Variants in PPL observed in about 807,000 individuals in gnomAD.
PPL encodes 190 kDa paraneoplastic pemphigus antigen.
PPL carries 198 observed loss-of-function variants against 194.4 expected under a neutral mutation model. That is an observed-to-expected ratio of 1.02 (90% confidence interval 0.91 to 1.15). PPL has a LOEUF of 1.15. PPL is among the 50% of genes most tolerant of loss of function. The pLI, the probability that PPL is intolerant of heterozygous loss-of-function variation, is 0.00. For synonymous variants in PPL, 1,220 were observed against 972.4 expected (o/e 1.25, Z -4.74); for missense variants, 2,885 against 2,294.8 (o/e 1.26, Z -5.25).
chr16:4,884,792 G>A lies in PPL; in HGVS notation c.3863C>T (p.Thr1288Ile), dbSNP rs780446094. 14 of 1,613,976 alleles carry A rather than the reference G, an allele frequency of 8.7e-6. No individual in the cohort carries two copies. The highest frequency in any genetic ancestry group is 1.1e-5 in the Non-Finnish European group (13 of 1,180,030). ...GAGGATCTCCTGGACCACCTCTTTG[G>A]TCTGGACCTGGGGTTTGGTGTCTTT... ...ALKDTKPQVQTKEVVQEILQF... is the reference protein window; with the variant it reads ...ALKDTKPQVQIKEVVQEILQF... Residue 1288 changes from threonine to isoleucine, a missense_variant, in exon 22 of 22, where the codon ACC (threonine) becomes ATC (isoleucine). Thr to Ile is a moderately conservative substitution (Grantham distance 89). Coordinates refer to ENST00000345988, the MANE Select transcript of PPL (RefSeq NM_002705.5). The surrounding 1 kb of genome is among the most constrained non-coding windows in gnomAD (Gnocchi z 5.7).
chr16:4,932,951 G>A (rs1202428085), intron 1 of PPL, among the ~76,000 whole-genome samples: 3 of 151,734 alleles, frequency 2.0e-5, no homozygotes, highest in African/African-American at 7.3e-5. Flanking sequence ...AAGAGACCCA[G>A]AGCTGCGGCC....
At chr16:4,907,723 TA>T (rs1014486246) in intron 2 of PPL, among the ~76,000 whole-genome samples, 1 of 151,594 alleles carries the variant, frequency 6.6e-6, no homozygotes, top group African/African-American at 2.4e-5. Context: ...TCCCCTCAAT[TA>T]AAAAAAATGG....
At position 4,895,686 on chromosome 16, in the gene PPL, G is replaced by T. The variant is rs35340520; in HGVS notation, c.1003C>A (p.Leu335Met). The T allele has an allele frequency of 0.067, 107,630 of 1,613,928 alleles. 3,977 individuals are homozygous for T. Among genetic ancestry groups the T allele is most frequent in the Non-Finnish European group, 0.07 (82,963 of 1,180,008 alleles). ...AGGTCCGAGTCCACCTTGCGCAGCAGCTCCTGAGCGTCCTTCACGTCTTCG... is the reference window on the plus strand; with the variant it reads ...AGGTCCGAGTCCACCTTGCGCAGCATCTCCTGAGCGTCCTTCACGTCTTCG... The part of the protein sequence containing the change: ...FHEDVKDAQE[L>M]LRKVDSDLNQ... Residue 335 changes from leucine to methionine, a missense_variant, in exon 10 of 22, where the codon CTG (leucine) becomes ATG (methionine). Transcript: ENST00000345988.
chr16:4,890,434 C>G, intron 17 of PPL, 100 bp from the exon 18 acceptor site: 2 of 1,376,756 alleles, frequency 1.5e-6, no homozygotes, highest in Non-Finnish European at 1.9e-6. Flanking sequence ...ATGTAACAAC[C>G]AGAAATACCC....
intron 1 of PPL, among the ~76,000 whole-genome samples, chr16:4,924,846 C>T (rs1020900683): frequency 1.3e-5 from 2 of 152,250 alleles, no homozygotes; most frequent in East Asian, 1.9e-4. Context: ...GCAGCCACCC[C>T]GGTAACAGAT....
rs769309279 is a variant in PPL at position 4,885,432 on chromosome 16, C to T, written c.3223G>A (p.Glu1075Lys). ...AGCTGGTCCTGGCGCTGGTGGTCCT[C>T]CTGCAGCTGCTGGTACTCTGCCTCC... ...QLEAEYQQLQEDHQRQDQLRE... is the reference protein window; with the variant it reads ...QLEAEYQQLQKDHQRQDQLRE... Residue 1075 changes from glutamate to lysine, a missense_variant, in exon 22 of 22, where the codon GAG becomes AAG. Glu to Lys is a moderately conservative substitution (Grantham distance 56, BLOSUM62 1). Coordinates refer to ENST00000345988, the MANE Select transcript of PPL (RefSeq NM_002705.5). This position sits in a 1 kb window ranked among gnomAD's most constrained non-coding sequence, Gnocchi z 6.3. 1 of 1,612,632 alleles carries T rather than the reference C, an allele frequency of 6.2e-7. No individual in the cohort carries two copies. The highest frequency in any genetic ancestry group is 8.5e-7 in the Non-Finnish European group (1 of 1,179,992).
intron 18 of PPL, 90 bp from the exon 19 acceptor site, chr16:4,889,151 G>T: frequency 1.0e-6 from 1 of 974,346 alleles, no homozygotes; most frequent in Non-Finnish European, 1.6e-6. Context: ...CTCAGAATCT[G>T]AATTTATTCT....
intron 1 of PPL, among the ~76,000 whole-genome samples, chr16:4,931,337 C>A (rs1435346856): frequency 6.6e-6 from 1 of 152,144 alleles, no homozygotes; most frequent in Admixed American, 6.5e-5. Context: ...GCACTCCAAT[C>A]TGGGTGATAC....
rs979569973 is a variant in PPL, at chr16:4,893,312, G to T, written c.1551C>A (p.Asp517Glu). The change falls in exon 14 of 22, where the codon GAC becomes GAA. Residue 517 changes from aspartate to glutamate, a missense_variant. Coordinates refer to ENST00000345988, the MANE Select transcript of PPL (RefSeq NM_002705.5). ...LLAGLDKVAS[D>E]LDRQEKAITG... Reference sequence around the variant, plus strand: ...TGATGGCCTTCTCCTGCCGGTCCAGGTCGCTGGCCACCTTGTCCAAGCCAG... The same window carrying T: ...TGATGGCCTTCTCCTGCCGGTCCAGTTCGCTGGCCACCTTGTCCAAGCCAG... 1.9e-6 allele frequency: 3 copies of T among 1,607,948 alleles called. No homozygotes were observed. The African/African-American group carries it at 4.0e-5, about 21-fold the overall frequency.
intron 1 of PPL, among the ~76,000 whole-genome samples, chr16:4,926,606 T>C (rs942857477): frequency 2.0e-5 from 3 of 152,144 alleles, no homozygotes; most frequent in Admixed American, 1.3e-4. Flanking sequence ...CTTGGCGCGG[T>C]GACTCATGCC....
At chr16:4,891,552 T>TA (rs1371048876) in intron 16 of PPL, 3 of 396,406 alleles carry the variant, frequency 7.6e-6, no homozygotes, top group Non-Finnish European at 1.3e-5. Context: ...TGGCTGGTGT[T>TA]ACAGGCATGT....
rs140944090 is a variant in PPL, at chr16:4,890,220, G to A, written c.2277C>T (p.Ser759=). ...IPSYEPQETD[S]LSQMETKLKN... The stretch of plus-strand genomic sequence containing the variant: ...TCAGCTTGGTCTCCATCTGGCTGAG[G>A]CTGTCTGTCTCCTGGGGCTCGTAAC... The change falls in exon 18 of 22, where the codon AGC becomes AGT. Residue 759 remains serine (S), a synonymous_variant. Coordinates refer to ENST00000345988, the MANE Select transcript of PPL (RefSeq NM_002705.5). The A allele has an allele frequency of 6.9e-5, 111 of 1,614,160 alleles. 2 individuals are homozygous for A. The African/African-American group carries it at 1.4e-3, about 20-fold the overall frequency.
intron 4 of PPL, among the ~76,000 whole-genome samples, chr16:4,901,871 T>G (rs1427762777): frequency 1.3e-5 from 2 of 151,846 alleles, no homozygotes; most frequent in Admixed American, 1.3e-4. Flanking sequence ...GCCTGGGAAG[T>G]TGACGCTGCA....
chr16:4,919,025 A>C (rs2088983994), intron 1 of PPL, among the ~76,000 whole-genome samples: 1 of 152,200 alleles, frequency 6.6e-6, no homozygotes, highest in Non-Finnish European at 1.5e-5. Context: ...AGACACAGAC[A>C]GCAGCCACCT....
chr16:4,930,297 G>A (rs890325721), intron 1 of PPL, among the ~76,000 whole-genome samples: 4 of 152,178 alleles, frequency 2.6e-5, no homozygotes, highest in Non-Finnish European at 4.4e-5. Context: ...ATTGCTGCCA[G>A]CTGTGTACTC....
intron 20 of PPL, 119 bp downstream of exon 20, chr16:4,887,983 C>T: frequency 1.4e-6 from 1 of 723,592 alleles, no homozygotes. Flanking sequence ...GGAGGGCTCT[C>T]AGTGGCTTCC....
Position 4,884,893 on chromosome 16 carries a change from CT to C in PPL, c.3761del (p.Glu1254GlyfsTer8). On this transcript the variant is annotated frameshift_variant, in exon 22 of 22. Coordinates refer to ENST00000345988, the MANE Select transcript of PPL (RefSeq NM_002705.5). LOFTEE classifies it high-confidence loss of function. The surrounding 1 kb of genome is among the most constrained non-coding windows in gnomAD (Gnocchi z 5.7). ...MEKELQRLREEIVDKTRLIER... is the reference protein window; with the variant it reads ...MEKELQRLREXIVDKTRLIER... ...CGATCAGTCTGGTCTTGTCCACGATCTCCTCCCTGAGCCGCTGAAGCTCCTT... is the reference window on the plus strand; with the variant it reads ...CGATCAGTCTGGTCTTGTCCACGATCCCTCCCTGAGCCGCTGAAGCTCCTT... 6.2e-7 allele frequency: 1 copy of C among 1,614,060 alleles called. No individual in the cohort carries two copies. The highest frequency in any genetic ancestry group is 2.2e-5 in the East Asian group (1 of 44,892).
chr16:4,894,020 C>T lies in PPL; in HGVS notation c.1395-382G>A, dbSNP rs547484270. On this transcript the variant is annotated intron_variant, in intron 12 of 21. Coordinates refer to ENST00000345988, the MANE Select transcript of PPL (RefSeq NM_002705.5). ...ACTTTGTACCAGGTACTTAACTAGG[C>T]CCTGGAGAGAGGAAATTCAAGGAGC... Among the ~76,000 whole-genome samples, 21 of 152,262 alleles carry T rather than the reference C, an allele frequency of 1.4e-4. No individual in the cohort carries two copies. The South Asian group carries it at 3.9e-3, about 29-fold the overall frequency.
rs2088330050 is a variant in PPL, at chr16:4,892,059, T to C, written c.1805A>G (p.Gln602Arg). ...CTTCTCCTGGGCCAAGTCCAGCAGCTGCAGGAGGTGCTCGTATTTCCGGTT... is the reference window on the plus strand; with the variant it reads ...CTTCTCCTGGGCCAAGTCCAGCAGCCGCAGGAGGTGCTCGTATTTCCGGTT... ...DTNRKYEHLLQLLDLAQEKVD... is the reference protein window; with the variant it reads ...DTNRKYEHLLRLLDLAQEKVD... Residue 602 changes from glutamine (Q) to arginine (R), a missense_variant, in exon 15 of 22, where the codon CAG becomes CGG. Gln to Arg is a conservative substitution (Grantham distance 43, BLOSUM62 1). Coordinates refer to ENST00000345988, the MANE Select transcript of PPL (RefSeq NM_002705.5). 2.5e-6 allele frequency: 4 copies of C among 1,613,742 alleles called. No homozygotes were observed. The highest frequency in any genetic ancestry group is 3.4e-6 in the Non-Finnish European group (4 of 1,179,946).
Sources: allele counts gnomAD v4.1 joint callset (sites outside exome capture counted in the v4.1 genomes callset), GRCh38; gene constraint gnomAD v4.1.1; non-coding constraint Gnocchi (gnomAD v3.1); transcripts MANE v1.5; gene names NCBI Gene and HGNC (gene_info 2026-07-23, HGNC 2026-07-21).